TEX36: variants seen among roughly 807,000 people sequenced by gnomAD.
TEX36 encodes testis-expressed protein 36.
In TEX36, 12 loss-of-function variants were observed where a neutral mutation model predicts 13.6. The ratio of observed to expected loss-of-function variants is 0.88; its 90% CI spans 0.56 to 1.43. The LOEUF (loss-of-function observed/expected upper bound fraction) is 1.43. Ranked by LOEUF, TEX36 falls within the 40% of genes most tolerant of loss-of-function variation. TEX36 has a pLI of 0.00. For missense variants in TEX36, 224 were observed against 228.3 expected, an observed-to-expected ratio of 0.98 and a Z score of 0.12; for synonymous variants, 93 against 83.0, an observed-to-expected ratio of 1.12 and a Z score of -0.65.
At chr10:125,608,898 G>T (rs1317189493) in intron 3 of TEX36, among the ~76,000 whole-genome samples, 2 of 150,930 alleles carry the variant, frequency 1.3e-5, no homozygotes, top group Non-Finnish European at 2.9e-5. Flanking sequence ...ACTTTGGGAG[G>T]CCGAGGAAGG....
intron 1 of TEX36, among the ~76,000 whole-genome samples, chr10:125,678,857 C>T (rs1301704287): frequency 1.3e-5 from 2 of 151,898 alleles, no homozygotes; most frequent in Non-Finnish European, 2.9e-5. Flanking sequence ...AGGCAAAGCC[C>T]GGCTGGGTGG....
chr10:125,661,724 GT>G, intron 2 of TEX36, 121 bp downstream of exon 2: 1 of 1,316,334 alleles, frequency 7.6e-7, no homozygotes, highest in South Asian at 1.5e-5. Context: ...ACCCTTAGGG[GT>G]CCAAGGATAG....
At chr10:125,580,644 C>T (rs183977212) in intron 3 of TEX36, among the ~76,000 whole-genome samples, 4 of 152,228 alleles carry the variant, frequency 2.6e-5, no homozygotes, top group African/African-American at 7.2e-5. Context: ...TACTGAAGCC[C>T]GCTAGGTGGG....
chr10:125,673,037 G>T (rs977342115), intron 1 of TEX36, among the ~76,000 whole-genome samples: 8 of 152,122 alleles, frequency 5.3e-5, no homozygotes, highest in Non-Finnish European at 1.0e-4. Context: ...CGTGAGATGG[G>T]TCTCTTGAAT....
At chr10:125,588,191 T>C (rs1845980850) in intron 3 of TEX36, among the ~76,000 whole-genome samples, 1 of 152,240 alleles carries the variant, frequency 6.6e-6, no homozygotes, top group Non-Finnish European at 1.5e-5. Flanking sequence ...TGGATAGAAC[T>C]CTCCATAGAG....
intron 3 of TEX36, among the ~76,000 whole-genome samples, chr10:125,609,037 T>C (rs1299134203): frequency 1.4e-5 from 2 of 146,956 alleles, no homozygotes; most frequent in Non-Finnish European, 3.0e-5. Context: ...CTGGATGTGG[T>C]GGCGTGCACC....
At chr10:125,682,746 TTA>T (rs1345038469) in intron 1 of TEX36, among the ~76,000 whole-genome samples, 191 bp downstream of exon 1, 1 of 152,248 alleles carries the variant, frequency 6.6e-6, no homozygotes, top group African/African-American at 2.4e-5. Context: ...TTTACATGCA[TTA>T]TTTCATTCAA....
intron 1 of TEX36, among the ~76,000 whole-genome samples, chr10:125,677,399 T>C (rs1318680661): frequency 6.6e-6 from 1 of 152,210 alleles, no homozygotes; most frequent in African/African-American, 2.4e-5. Flanking sequence ...TACTTTTCAA[T>C]TCTTTTTTAT....
At chr10:125,645,778 T>C (rs991596942) in intron 3 of TEX36, among the ~76,000 whole-genome samples, 2 of 152,120 alleles carry the variant, frequency 1.3e-5, no homozygotes, top group African/African-American at 2.4e-5. Flanking sequence ...TTTGCAACTT[T>C]CTATGGCCCT....
At chr10:125,655,473 G>T (rs1244433332), downstream of TEX36, among the ~76,000 whole-genome samples, 1 of 152,056 alleles carries the variant, frequency 6.6e-6, no homozygotes, top group Non-Finnish European at 1.5e-5. Flanking sequence ...AGAATATTTT[G>T]CACTGTGTAA....
At chr10:125,611,278 T>C (rs879348456) in intron 3 of TEX36, among the ~76,000 whole-genome samples, 9 of 152,192 alleles carry the variant, frequency 5.9e-5, no homozygotes, top group Non-Finnish European at 8.8e-5. Flanking sequence ...ATTTTTAAAG[T>C]AGTTGATAGA....
intron 1 of TEX36, among the ~76,000 whole-genome samples, chr10:125,672,052 T>C (rs1847241021): frequency 6.6e-6 from 1 of 152,162 alleles, no homozygotes. Flanking sequence ...TAGTGGTCTA[T>C]TTTATTAATG....
At chr10:125,618,687 G>GC, downstream of TEX36, among the ~76,000 whole-genome samples, 1 of 152,156 alleles carries the variant, frequency 6.6e-6, no homozygotes, top group Middle Eastern at 3.4e-3. Flanking sequence ...ATGGCCTTCA[G>GC]CTAGTGCAGG....
At position 125,647,213 on chromosome 10, in the gene TEX36, C is replaced by T. The variant is rs527313009; in HGVS notation, c.264+13808G>A. Among the ~76,000 whole-genome samples the T allele has an allele frequency of 2.2e-4, 34 of 152,280 alleles. No individual in the cohort carries two copies. The East Asian group carries it at 5.6e-3, about 25-fold the overall frequency. ...TTATTTGCTATAATGTCACTCCAGA[C>T]GTACAACCATAGCACAAACCCAGAA... On this transcript the variant is annotated intron_variant, in intron 3 of 3. Transcript: ENST00000526819.
chr10:125,602,040 G>A (rs1304092081), intron 3 of TEX36, among the ~76,000 whole-genome samples: 2 of 152,192 alleles, frequency 1.3e-5, no homozygotes, highest in East Asian at 1.9e-4. Context: ...CCAGGGAGGT[G>A]TTGCAGGGGG....
chr10:125,591,552 T>A (rs1427094933), intron 3 of TEX36, among the ~76,000 whole-genome samples: 1 of 152,216 alleles, frequency 6.6e-6, no homozygotes, highest in African/African-American at 2.4e-5. Context: ...AGCTTCACTA[T>A]GTGTGTGTAC....
intron 3 of TEX36, among the ~76,000 whole-genome samples, chr10:125,608,653 C>T (rs1174122422): frequency 1.3e-5 from 2 of 152,142 alleles, no homozygotes; most frequent in African/African-American, 4.8e-5. Flanking sequence ...TTTCAGCCTC[C>T]CCGCTCAGCA....
intron 3 of TEX36, among the ~76,000 whole-genome samples, chr10:125,595,893 T>G (rs1253621382): frequency 3.3e-5 from 5 of 152,230 alleles, no homozygotes; most frequent in Admixed American, 6.5e-5. Context: ...TTTTCTATTT[T>G]ATTCCCTGAT....
chr10:125,619,055 G>A (rs564251083), downstream of TEX36, among the ~76,000 whole-genome samples: 35 of 151,396 alleles, frequency 2.3e-4, no homozygotes, highest in South Asian at 8.4e-4. Context: ...GCATGAACCC[G>A]GGAGGTGGAG....
Sources: allele counts gnomAD v4.1 joint callset (sites outside exome capture counted in the v4.1 genomes callset), GRCh38; gene constraint gnomAD v4.1.1; transcripts MANE v1.5; gene names NCBI Gene and HGNC (gene_info 2026-07-23, HGNC 2026-07-21).